ZFHX3: variants seen among roughly 807,000 people sequenced by gnomAD.
ZFHX3 encodes the protein zinc finger homeobox 3.
Under a neutral mutation model 279.1 loss-of-function variants are expected in ZFHX3, and 42 were observed. The observed-to-expected ratio is 0.15, with a 90% CI of 0.12 to 0.19. The LOEUF is 0.19. Ranked by LOEUF, ZFHX3 falls within the 10% of genes least tolerant of loss-of-function variation. The pLI is 1.00. For synonymous variants in ZFHX3, 2,293 were observed against 1,957.8 expected (o/e 1.17, Z -4.52); for missense variants, 4,981 against 4,754.0 (o/e 1.05, Z -1.40).
At chr16:72,938,680 A>G (rs1323523696) in intron 3 of ZFHX3, among the ~76,000 whole-genome samples, 1 of 152,228 alleles carries the variant, frequency 6.6e-6, no homozygotes, top group Non-Finnish European at 1.5e-5. Flanking sequence ...CCAAAGCACT[A>G]AACACTCAGA....
intron 8 of ZFHX3, among the ~76,000 whole-genome samples, chr16:73,076,590 T>C (rs1215051770): frequency 2.0e-5 from 3 of 152,190 alleles, no homozygotes; most frequent in Non-Finnish European, 4.4e-5. Flanking sequence ...AAAAGTAATA[T>C]CATCACTGTT....
At chr16:73,724,064 C>T (rs1190390859) in intron 1 of ZFHX3, among the ~76,000 whole-genome samples, 1 of 152,158 alleles carries the variant, frequency 6.6e-6, no homozygotes, top group Non-Finnish European at 1.5e-5. Context: ...AAAAGCTGTC[C>T]TTAAGTATGA....
At chr16:73,381,042 T>C (rs1303331627) in intron 3 of ZFHX3, among the ~76,000 whole-genome samples, 1 of 152,198 alleles carries the variant, frequency 6.6e-6, no homozygotes, top group African/African-American at 2.4e-5. Context: ...ACCACTATTT[T>C]ACTAGTTAAA....
At chr16:73,404,351 A>C (rs1003439671) in intron 3 of ZFHX3, among the ~76,000 whole-genome samples, 2 of 152,218 alleles carry the variant, frequency 1.3e-5, no homozygotes, top group African/African-American at 4.8e-5. Context: ...AACCTGCAAG[A>C]CATGAAAGTG....
chr16:73,408,109 GT>G lies in ZFHX3; in HGVS notation c.-1291+47893del, dbSNP rs397718193. On this transcript the variant is annotated intron_variant, in intron 3 of 17. Coordinates refer to the ZFHX3 transcript ENST00000641206. ...CTGGTTGCAGATACCTGTGAAACTT[GT>G]TTTTTTTTTTTTGCTTGGGTGGAGG... 1.6e-3 allele frequency among the ~76,000 whole-genome samples: 221 copies of G among 141,718 alleles called. 1 individual carries two copies. Among genetic ancestry groups the G allele is most frequent in the South Asian group, 4.3e-3 (19 of 4,442 alleles). The allele number at this position is 141,718 out of a possible 152,430, so 93.0% of individuals were successfully genotyped here.
At chr16:73,317,050 G>A (rs2015466894) in intron 4 of ZFHX3, among the ~76,000 whole-genome samples, 1 of 152,170 alleles carries the variant, frequency 6.6e-6, no homozygotes, top group African/African-American at 2.4e-5. Context: ...GGAGACGTGA[G>A]ATGGGCAGGT....
chr16:73,442,265 C>G (rs2018107242), intron 3 of ZFHX3, among the ~76,000 whole-genome samples: 1 of 152,282 alleles, frequency 6.6e-6, no homozygotes, highest in Admixed American at 6.5e-5. Context: ...CAGGGTTGGT[C>G]TCTTCTGAGG....
intron 2 of ZFHX3, among the ~76,000 whole-genome samples, chr16:73,622,525 G>A (rs2052373466): frequency 6.6e-6 from 1 of 152,090 alleles, no homozygotes; most frequent in African/African-American, 2.4e-5. Context: ...TCGTGCCACT[G>A]CACTCCAGCT....
rs532030396 is a variant in ZFHX3, at chr16:73,698,585, G to A, written c.-1607-18345C>T. On this transcript the variant is annotated intron_variant, in intron 1 of 17. Transcript: ENST00000641206. ...ACCTCATCATATGATAGGCTAAGAA[G>A]GCGCATCACCTCCAGGGTATTCCTG... is the stretch of plus-strand genomic sequence containing the variant. Among the ~76,000 whole-genome samples, 120 of 152,248 alleles carry A rather than the reference G, an allele frequency of 7.9e-4. 1 individual carries two copies. Among genetic ancestry groups the A allele is most frequent in the African/African-American group, 2.7e-3 (112 of 41,538 alleles).
chr16:73,453,161 T>G (rs2018308069), intron 3 of ZFHX3, among the ~76,000 whole-genome samples: 1 of 152,048 alleles, frequency 6.6e-6, no homozygotes, highest in South Asian at 2.1e-4. Flanking sequence ...GTACAATAAA[T>G]GTGTGTTGAC....
intron 4 of ZFHX3, among the ~76,000 whole-genome samples, chr16:73,270,689 C>A (rs376757729): frequency 1.3e-5 from 2 of 152,096 alleles, no homozygotes; most frequent in East Asian, 3.9e-4. Flanking sequence ...TGGAGGTCAG[C>A]GGTCCCCTAT....
intron 4 of ZFHX3, among the ~76,000 whole-genome samples, chr16:73,279,618 C>T (rs1285826011): frequency 3.3e-5 from 5 of 152,074 alleles, no homozygotes; most frequent in Non-Finnish European, 4.4e-5. Flanking sequence ...CCGGTCTTTT[C>T]GTTCATGTGG....
intron 5 of ZFHX3, among the ~76,000 whole-genome samples, chr16:73,234,196 A>G (rs1399151012): frequency 6.6e-6 from 1 of 152,182 alleles, no homozygotes; most frequent in Admixed American, 6.5e-5. Flanking sequence ...AGAATGTTCA[A>G]TGCTGCAAGG....
At chr16:73,029,060 C>A (rs1332364268) in intron 1 of ZFHX3, among the ~76,000 whole-genome samples, 4 of 152,166 alleles carry the variant, frequency 2.6e-5, no homozygotes, top group African/African-American at 9.7e-5. Flanking sequence ...GCCAAGTGCA[C>A]CTTCCTCAAG....
rs189368086 is a variant in ZFHX3, at chr16:72,836,789, T to G, written c.3449-6930A>C. Among the ~76,000 whole-genome samples, 5 of 152,240 alleles carry G rather than the reference T, an allele frequency of 3.3e-5. No homozygotes were observed. The East Asian group carries it at 9.7e-4, about 29-fold the overall frequency. ...AACCAGCACTGATGAGTGGGACATA[T>G]TGAGCTAACTAACCCTATGGTAGTC... On this transcript the variant is annotated intron_variant, in intron 4 of 9. Coordinates refer to ENST00000268489, the MANE Select transcript of ZFHX3 (RefSeq NM_006885.4).
At position 73,027,759 on chromosome 16, in the gene ZFHX3, T is replaced by C. The variant is rs74558510; in HGVS notation, c.-50+19993A>G. Among the ~76,000 whole-genome samples, 34 of 152,246 alleles carry C rather than the reference T, an allele frequency of 2.2e-4. No individual in the cohort carries two copies. In the East Asian group the frequency reaches 5.8e-3, roughly 26 times the overall value. On this transcript the variant is annotated intron_variant, in intron 1 of 9. Transcript: ENST00000268489. ...CCCTTCCAGGCTGGGATCTGATAAATGGCTGTGCAGAAAGCAGGTTCCCTC... is the reference window on the plus strand; with the variant it reads ...CCCTTCCAGGCTGGGATCTGATAAACGGCTGTGCAGAAAGCAGGTTCCCTC...
At chr16:73,741,412 C>T (rs994781644) in intron 1 of ZFHX3, among the ~76,000 whole-genome samples, 13 of 152,294 alleles carry the variant, frequency 8.5e-5, no homozygotes, top group Admixed American at 5.9e-4. Flanking sequence ...CTTCTCCATG[C>T]TCCAGAAGCA....
At chr16:73,525,600 T>C (rs1027850379) in intron 2 of ZFHX3, among the ~76,000 whole-genome samples, 8 of 152,154 alleles carry the variant, frequency 5.3e-5, no homozygotes, top group Non-Finnish European at 8.8e-5. Context: ...CAATTTTAGC[T>C]GCACACCAGT....
intron 1 of ZFHX3, among the ~76,000 whole-genome samples, chr16:73,849,395 C>T (rs1961536756): frequency 6.6e-6 from 1 of 152,150 alleles, no homozygotes; most frequent in South Asian, 2.1e-4. Flanking sequence ...AGAACACTGG[C>T]TCTAATAGCC....
Sources: allele counts gnomAD v4.1 joint callset (sites outside exome capture counted in the v4.1 genomes callset), GRCh38; gene constraint gnomAD v4.1.1; transcripts MANE v1.5; gene names NCBI Gene and HGNC (gene_info 2026-07-23, HGNC 2026-07-21).